ATL2: variants seen among roughly 807,000 people sequenced by gnomAD.
The protein encoded by ATL2 is atlastin-2.
ATL2 carries 31 observed loss-of-function variants against 73.9 expected under a neutral mutation model. The observed-to-expected ratio is 0.42, with a 90% CI of 0.32 to 0.57. The LOEUF is 0.57. Ranked by LOEUF, ATL2 falls within the 20% of genes least tolerant of loss-of-function variation. ATL2 has a pLI of 0.14. For missense variants in ATL2, 738 were observed against 702.6 expected, an observed-to-expected ratio of 1.05 and a Z score of -0.57; for synonymous variants, 291 against 237.5, an observed-to-expected ratio of 1.23 and a Z score of -2.07.
chr2:38,296,950 C>A (rs1410327120), intron 12 of ATL2, among the ~76,000 whole-genome samples: 1 of 152,022 alleles, frequency 6.6e-6, no homozygotes, highest in African/African-American at 2.4e-5. Flanking sequence ...AGAAAATGAT[C>A]CAAAATTTTA....
At chr2:38,370,879 C>G (rs1237223034) in intron 1 of ATL2, among the ~76,000 whole-genome samples, 2 of 151,438 alleles carry the variant, frequency 1.3e-5, no homozygotes, top group Non-Finnish European at 2.9e-5. Context: ...GGGGGGTGCA[C>G]CCCAGAAGTT....
intron 2 of ATL2, among the ~76,000 whole-genome samples, chr2:38,320,265 G>T (rs1668247623): frequency 6.6e-6 from 1 of 152,116 alleles, no homozygotes; most frequent in Admixed American, 6.5e-5. Flanking sequence ...TTAGGGTAAG[G>T]AAGATTGTTT....
intron 2 of ATL2, among the ~76,000 whole-genome samples, chr2:38,331,437 G>GA (rs34238912): frequency 0.012 from 974 of 80,302 alleles, 6 homozygotes; most frequent in Non-Finnish European, 0.018. Context: ...TCTGTCTCAA[G>GA]AAAAAAAAAA....
At chr2:38,376,436 T>A (rs948169498) in intron 1 of ATL2, 3 of 333,856 alleles carry the variant, frequency 9.0e-6, no homozygotes, top group Non-Finnish European at 1.1e-5. Flanking sequence ...ATCGTCCAAG[T>A]GACTCGTAAA....
At chr2:38,310,896 G>T (rs1011100927) in intron 7 of ATL2, among the ~76,000 whole-genome samples, 6 of 151,840 alleles carry the variant, frequency 4.0e-5, no homozygotes, top group Non-Finnish European at 8.8e-5. Flanking sequence ...CAAAGTGCTG[G>T]GATTACAGGC....
At chr2:38,304,060 TG>T (rs1249919678) in intron 9 of ATL2, among the ~76,000 whole-genome samples, 1 of 152,130 alleles carries the variant, frequency 6.6e-6, no homozygotes, top group African/African-American at 2.4e-5. Context: ...GGCCAGGAGT[TG>T]GAGACCAGCC....
At chr2:38,370,598 C>G (rs1396596059) in intron 1 of ATL2, among the ~76,000 whole-genome samples, 1 of 151,846 alleles carries the variant, frequency 6.6e-6, no homozygotes, top group Non-Finnish European at 1.5e-5. Context: ...TGGTAAGACC[C>G]GTCTCTACTA....
In ATL2 at chr2:38,359,219, T is replaced by C. The variant is rs192174446; in HGVS notation, c.119-15707A>G. ...CTGCAGTGGCTCACGCCTGTAATCCTAGCACTTTGGGAGGCCGAGGTGGGT... is the reference window on the plus strand; with the variant it reads ...CTGCAGTGGCTCACGCCTGTAATCCCAGCACTTTGGGAGGCCGAGGTGGGT... On this transcript the variant is annotated intron_variant, in intron 1 of 12. Coordinates refer to ENST00000378954, the MANE Select transcript of ATL2 (RefSeq NM_001135673.4). Among the ~76,000 whole-genome samples the C allele has an allele frequency of 2.0e-3, 300 of 152,230 alleles. 2 individuals are homozygous for C. The highest frequency in any genetic ancestry group is 6.8e-3 in the African/African-American group (284 of 41,548).
chr2:38,331,414 A>C (rs1484798182), intron 2 of ATL2, among the ~76,000 whole-genome samples: 1 of 146,390 alleles, frequency 6.8e-6, no homozygotes, highest in Non-Finnish European at 1.5e-5. Context: ...CCAGCCTAGC[A>C]ACAGAGTGAG....
At chr2:38,362,956 T>C (rs1166090071) in intron 1 of ATL2, among the ~76,000 whole-genome samples, 9 of 152,200 alleles carry the variant, frequency 5.9e-5, no homozygotes, top group Admixed American at 3.9e-4. Context: ...ACATTATTAG[T>C]AACTTTCTCA....
At chr2:38,311,426 C>G (rs890077733) in intron 7 of ATL2, among the ~76,000 whole-genome samples, 1 of 101,890 alleles carries the variant, frequency 9.8e-6, no homozygotes, top group Non-Finnish European at 2.3e-5. Context: ...ACAAAATATG[C>G]GCTATTTATA....
chr2:38,315,739 C>G (rs1667995082), intron 4 of ATL2, among the ~76,000 whole-genome samples: 1 of 152,092 alleles, frequency 6.6e-6, no homozygotes, highest in Admixed American at 6.5e-5. Context: ...CAACAGTTTA[C>G]AAAGATAAAT....
At position 38,310,629 on chromosome 2, in the gene ATL2, CTT is replaced by C. The variant is rs538258408; in HGVS notation, c.805-184_805-183del. ...TTCTGACCACTTTGTTAAGACCCCACTTTTTTTTTTTTTTTTTTTTTTTTAAA... is the reference window on the plus strand; with the variant it reads ...TTCTGACCACTTTGTTAAGACCCCACTTTTTTTTTTTTTTTTTTTTTTAAA... On this transcript the variant is annotated intron_variant, in intron 7 of 12. Transcript: ENST00000378954. 8.7e-3 allele frequency among the ~76,000 whole-genome samples: 1,110 copies of C among 127,258 alleles called. 13 individuals carry two copies. The highest frequency in any genetic ancestry group is 0.03 in the African/African-American group (1,027 of 33,720). 83.5% of individuals were successfully genotyped at this position (127,258 alleles called of 152,430 possible). A position where few individuals can be genotyped will look rare whatever the true frequency, so the allele number is the denominator to read the frequency against.
intron 1 of ATL2, among the ~76,000 whole-genome samples, chr2:38,345,587 G>T (rs1257885333): frequency 3.9e-5 from 6 of 152,168 alleles, no homozygotes. Context: ...TTAGTTAAAG[G>T]GGACATTATC....
chr2:38,369,575 C>T (rs369179677), intron 1 of ATL2, among the ~76,000 whole-genome samples: 1 of 151,516 alleles, frequency 6.6e-6, no homozygotes, highest in African/African-American at 2.4e-5. Flanking sequence ...CGTGAGCCAC[C>T]ATGCTCGGCC....
At chr2:38,326,584 T>C (rs190156081) in intron 2 of ATL2, among the ~76,000 whole-genome samples, 32 of 152,326 alleles carry the variant, frequency 2.1e-4, no homozygotes, top group African/African-American at 7.0e-4. Context: ...GTATATATTA[T>C]AGCCTAGCTG....
intron 1 of ATL2, among the ~76,000 whole-genome samples, chr2:38,351,906 G>C (rs1481447427): frequency 6.6e-6 from 1 of 151,766 alleles, no homozygotes; most frequent in African/African-American, 2.4e-5. Context: ...AAGGTCAGGA[G>C]TTTGAGACCA....
At chr2:38,370,172 G>A (rs74866361) in intron 1 of ATL2, among the ~76,000 whole-genome samples, 7,129 of 113,178 alleles carry the variant, frequency 0.063, 748 homozygotes, top group African/African-American at 0.25. Context: ...AAAAAAAAAA[G>A]AAAGAAAATC....
At chr2:38,372,128 T>G (rs578186581) in intron 1 of ATL2, among the ~76,000 whole-genome samples, 6 of 151,048 alleles carry the variant, frequency 4.0e-5, no homozygotes, top group East Asian at 3.9e-4. Context: ...TAATTGTTTT[T>G]TTTTTTTTTT....
Sources: allele counts gnomAD v4.1 joint callset (sites outside exome capture counted in the v4.1 genomes callset), GRCh38; gene constraint gnomAD v4.1.1; transcripts MANE v1.5; gene names NCBI Gene and HGNC (gene_info 2026-07-23, HGNC 2026-07-21).